ADCY9: variants seen among roughly 807,000 people sequenced by gnomAD.
The protein encoded by ADCY9 is adenylate cyclase type 9.
Under a neutral mutation model 101.5 loss-of-function variants are expected in ADCY9, and 50 were observed. The ratio of observed to expected loss-of-function variants is 0.49; its 90% confidence interval spans 0.39 to 0.62. ADCY9 has a LOEUF of 0.62. Among genes scored for constraint, ADCY9 ranks in the 20% least tolerant of loss-of-function variants. The pLI, the probability that ADCY9 is intolerant of heterozygous loss-of-function variation, is 0.00. For missense variants in ADCY9, 1,662 were observed against 1,800.4 expected (o/e 0.92, Z 1.39); for synonymous variants, 905 against 769.3 (o/e 1.18, Z -2.92).
At chr16:4,036,581 G>C (rs1172880868) in intron 2 of ADCY9, among the ~76,000 whole-genome samples, 1 of 147,732 alleles carries the variant, frequency 6.8e-6, no homozygotes, top group African/African-American at 2.5e-5. Context: ...TCCTGCCTCA[G>C]CCTCCAGAGT....
At chr16:4,057,551 T>G (rs1023859534) in intron 2 of ADCY9, among the ~76,000 whole-genome samples, 7 of 152,140 alleles carry the variant, frequency 4.6e-5, no homozygotes, top group Non-Finnish European at 8.8e-5. Flanking sequence ...TTTCACGCAC[T>G]ATCTCCCCGC....
chr16:3,980,116 G>A (rs1346201727), intron 7 of ADCY9, among the ~76,000 whole-genome samples: 8 of 152,242 alleles, frequency 5.3e-5, no homozygotes, highest in African/African-American at 9.6e-5. Context: ...TCTAGCTGGC[G>A]GCTTCAGGAC....
intron 3 of ADCY9, among the ~76,000 whole-genome samples, chr16:4,002,716 G>A (rs79848463): frequency 0.11 from 16,456 of 152,054 alleles, 952 homozygotes; most frequent in Non-Finnish European, 0.12. Context: ...TTCAATTTTG[G>A]GTTTTCTTTT....
In ADCY9 at chr16:4,018,656, T is replaced by A. The variant is rs982724450; in HGVS notation, c.1694-11098A>T. ...GCACAGGCACATGCTTGCTGTGAATTTCCACACTTGTCAGATCACCCGGTT... is the reference window on the plus strand; with the variant it reads ...GCACAGGCACATGCTTGCTGTGAATATCCACACTTGTCAGATCACCCGGTT... On this transcript the variant is annotated intron_variant, in intron 2 of 10. Coordinates refer to ENST00000294016, the MANE Select transcript of ADCY9 (RefSeq NM_001116.4). Among the ~76,000 whole-genome samples, 5 of 152,200 alleles carry A rather than the reference T, an allele frequency of 3.3e-5. No individual in the cohort carries two copies. In the East Asian group the frequency reaches 5.8e-4, roughly 18 times the overall value.
chr16:3,973,239 C>T (rs2056067515), intron 10 of ADCY9, among the ~76,000 whole-genome samples: 1 of 151,916 alleles, frequency 6.6e-6, no homozygotes, highest in South Asian at 2.1e-4. Flanking sequence ...GACAGAGTCT[C>T]ACTCTGTCGC....
At chr16:4,026,317 G>A (rs895524066) in intron 2 of ADCY9, among the ~76,000 whole-genome samples, 7 of 151,558 alleles carry the variant, frequency 4.6e-5, no homozygotes, top group African/African-American at 1.2e-4. Context: ...CCAGCTACTC[G>A]GGAGGCTGAG....
chr16:4,114,040 C>G lies in ADCY9; in HGVS notation c.1403G>C (p.Gly468Ala), dbSNP rs1279089422. Reference sequence around the variant, plus strand: ...GAACTGCTCGATGGCCTTGATCATGCCCAGGCCCATCTCGATGCAGCAGTA... The same window carrying G: ...GAACTGCTCGATGGCCTTGATCATGGCCAGGCCCATCTCGATGCAGCAGTA... ...HAYCCIEMGL[G>A]MIKAIEQFCQ... The change falls in exon 2 of 11, where the codon GGC (glycine) becomes GCC (alanine). Residue 468 changes from glycine to alanine, a missense_variant. Around this residue, in one of 5 missense-constraint regions of ADCY9, gnomAD observed 228 missense variants for 301.1 expected, o/e 0.76. Transcript: ENST00000294016. The surrounding 1 kb of genome is among the most constrained non-coding windows in gnomAD (Gnocchi z 4.3). The G allele has an allele frequency of 6.2e-7, 1 of 1,613,724 alleles. No individual in the cohort carries two copies. The highest frequency in any genetic ancestry group is 1.3e-5 in the African/African-American group (1 of 74,948).
At chr16:3,969,569 A>AATTATATAT (rs2056029388) in intron 10 of ADCY9, among the ~76,000 whole-genome samples, 1 of 45,228 alleles carries the variant, frequency 2.2e-5, no homozygotes, top group African/African-American at 6.6e-5. Flanking sequence ...GTTTGTTTGA[A>AATTATATAT]ATATATATAT....
chr16:4,061,934 A>G (rs752424271), intron 2 of ADCY9, among the ~76,000 whole-genome samples: 8 of 152,240 alleles, frequency 5.3e-5, no homozygotes, highest in Non-Finnish European at 7.3e-5. Context: ...CATATACATG[A>G]CATAATACCA....
At position 4,114,954 on chromosome 16, in the gene ADCY9, G is replaced by A. The variant is rs3730099; in HGVS notation, c.489C>T (p.Thr163=). The change falls in exon 2 of 11, where the codon ACC becomes ACT. Residue 163 remains threonine (T), a synonymous_variant. Transcript: ENST00000294016. The surrounding 1 kb of genome is among the most constrained non-coding windows in gnomAD (Gnocchi z 4.3). ...AATGCCGGGCGTACAGCTTGGTGAAGGTAAACAGAAAGAAGCCCACACACA... is the reference window on the plus strand; with the variant it reads ...AATGCCGGGCGTACAGCTTGGTGAAAGTAAACAGAAAGAAGCCCACACACA... ...LLVCVGFFLF[T]FTKLYARHYA... 1,179 of 1,614,002 alleles carry A rather than the reference G, an allele frequency of 7.3e-4. 7 individuals carry two copies. The African/African-American group carries it at 0.014, about 19-fold the overall frequency.
intron 2 of ADCY9, among the ~76,000 whole-genome samples, chr16:4,084,875 C>A (rs2056927789): frequency 6.6e-6 from 1 of 152,144 alleles, no homozygotes; most frequent in African/African-American, 2.4e-5. Flanking sequence ...TCTTAAGTAA[C>A]TACTTAACTT....
intron 2 of ADCY9, among the ~76,000 whole-genome samples, chr16:4,041,506 C>CAAAAAAAAAA (rs55669348): frequency 5.3e-5 from 5 of 94,620 alleles, no homozygotes; most frequent in South Asian, 3.5e-4. Flanking sequence ...GTATTAAAAC[C>CAAAAAAAAAA]AAAAAAAAAA....
At chr16:4,041,710 C>G (rs1227122155) in intron 2 of ADCY9, among the ~76,000 whole-genome samples, 1 of 150,654 alleles carries the variant, frequency 6.6e-6, no homozygotes. Context: ...GTTGATGATT[C>G]ATGAGTCTAA....
intron 2 of ADCY9, among the ~76,000 whole-genome samples, chr16:4,026,298 C>T (rs1180697615): frequency 2.6e-5 from 4 of 151,896 alleles, no homozygotes; most frequent in Non-Finnish European, 5.9e-5. Flanking sequence ...GGTGGCGTCA[C>T]CTGTAGTCCC....
intron 2 of ADCY9, among the ~76,000 whole-genome samples, chr16:4,064,855 G>T (rs1417075990): frequency 1.3e-5 from 2 of 152,064 alleles, no homozygotes; most frequent in African/African-American, 4.8e-5. Flanking sequence ...TAATTCAAGG[G>T]CTGCCTTAAT....
Position 3,970,888 on chromosome 16 carries a change from A to G in ADCY9, c.2870+3781T>C, listed in dbSNP as rs573075754. 1.8e-3 allele frequency among the ~76,000 whole-genome samples: 280 copies of G among 152,216 alleles called. 1 individual carries two copies. Among genetic ancestry groups the G allele is most frequent in the African/African-American group, 6.4e-3 (265 of 41,534 alleles). ...GTAAGCTGTGAAGATGGACTGGAGC[A>G]TGGCTACGTCCCTTCCAGCCTAAGG... On this transcript the variant is annotated intron_variant, in intron 10 of 10. Coordinates refer to ENST00000294016, the MANE Select transcript of ADCY9 (RefSeq NM_001116.4).
chr16:4,096,165 G>A (rs138514675), intron 2 of ADCY9, among the ~76,000 whole-genome samples: 7 of 152,104 alleles, frequency 4.6e-5, no homozygotes, highest in Non-Finnish European at 7.4e-5. Context: ...GCAATTTAGT[G>A]GCTCTATAAA....
chr16:4,092,717 G>A (rs1371257231), intron 2 of ADCY9, among the ~76,000 whole-genome samples: 1 of 152,096 alleles, frequency 6.6e-6, no homozygotes, highest in South Asian at 2.1e-4. Flanking sequence ...CCTGTACCTA[G>A]CAACCTCACT....
chr16:4,074,584 G>A (rs2056855102), intron 2 of ADCY9, among the ~76,000 whole-genome samples: 1 of 151,716 alleles, frequency 6.6e-6, no homozygotes, highest in Non-Finnish European at 1.5e-5. Context: ...GGGCATGGTG[G>A]TGTACGCCTA....
Sources: gnomAD v4.1 joint callset for allele counts (sites outside exome capture counted in the v4.1 genomes callset) on GRCh38, gnomAD v4.1.1 for gene constraint, gnomAD v4.1.1 regional missense constraint, Gnocchi (gnomAD v3.1) non-coding constraint, MANE v1.5 for transcripts, NCBI Gene and HGNC (gene_info 2026-07-23, HGNC 2026-07-21) for gene names.